The following RRAGD variants were observed in gnomAD, a reference collection of about 807,000 sequenced individuals.
The protein encoded by RRAGD is Ras related GTP binding D.
In RRAGD, 12 loss-of-function variants were observed where a neutral mutation model predicts 35.5. The observed-to-expected ratio is 0.34, with a 90% CI of 0.22 to 0.55. The LOEUF (loss-of-function observed/expected upper bound fraction) is 0.55, where lower values mean the gene tolerates loss of function less well. Among genes scored for constraint, RRAGD ranks in the 20% least tolerant of loss-of-function variants. The pLI, the probability that RRAGD is intolerant of heterozygous loss-of-function variation, is 0.91. For missense variants in RRAGD, 324 were observed against 490.1 expected, an observed-to-expected ratio of 0.66 and a Z score of 3.20; for synonymous variants, 155 against 178.9, an observed-to-expected ratio of 0.87 and a Z score of 1.07.
chr6:89,382,473 G>A (rs1000751969), intron 2 of RRAGD, among the ~76,000 whole-genome samples: 1 of 150,378 alleles, frequency 6.6e-6, no homozygotes, highest in Non-Finnish European at 1.5e-5. Context: ...CTACTCGGAG[G>A]CTGAGGCAGG....
intron 1 of RRAGD, among the ~76,000 whole-genome samples, chr6:89,399,621 T>TA (rs1274778242): frequency 1.1e-4 from 17 of 151,972 alleles, no homozygotes; most frequent in South Asian, 2.1e-4. Flanking sequence ...AAAATATATA[T>TA]TTTTTTTAAT....
intron 1 of RRAGD, among the ~76,000 whole-genome samples, chr6:89,397,016 C>A (rs1769349327): frequency 6.6e-6 from 1 of 152,142 alleles, no homozygotes; most frequent in South Asian, 2.1e-4. Flanking sequence ...GCTGGGATTA[C>A]AGGCATGAGC....
intron 1 of RRAGD, among the ~76,000 whole-genome samples, chr6:89,394,676 C>T (rs2031296): frequency 0.26 from 39,042 of 151,764 alleles, 5,499 homozygotes; most frequent in African/African-American, 0.36. Flanking sequence ...AAGAATGCTA[C>T]GGTTGCTGCT....
chr6:89,384,659 CA>C (rs1439137972), intron 2 of RRAGD, among the ~76,000 whole-genome samples: 5 of 151,622 alleles, frequency 3.3e-5, no homozygotes, highest in African/African-American at 9.7e-5. Flanking sequence ...TACTAAAAAT[CA>C]AAAAATTAGC....
intron 5 of RRAGD, 101 bp downstream of exon 5, chr6:89,377,570 C>T: frequency 1.8e-6 from 2 of 1,113,476 alleles, no homozygotes; most frequent in South Asian, 4.3e-5. Flanking sequence ...TCATTTAAGA[C>T]AAAAATGTTA....
chr6:89,368,010 C>G lies in RRAGD; in HGVS notation c.*46G>C. 6.6e-7 allele frequency: 1 copy of G among 1,506,948 alleles called. No individual in the cohort carries two copies. The highest frequency in any genetic ancestry group is 8.9e-7 in the Non-Finnish European group (1 of 1,119,692). 93.3% of individuals were successfully genotyped at this position (1,506,948 alleles called of 1,614,324 possible). A position where few individuals can be genotyped will look rare whatever the true frequency, so the allele number is the denominator to read the frequency against. ...CCTTTAGTGCAACATGGCGCAGCAGCCTCATGGATAAGGTCTGATTTCAAA... is the reference window on the plus strand; with the variant it reads ...CCTTTAGTGCAACATGGCGCAGCAGGCTCATGGATAAGGTCTGATTTCAAA... On this transcript the variant is annotated 3_prime_UTR_variant, in exon 7 of 7. Coordinates refer to ENST00000369415, the MANE Select transcript of RRAGD (RefSeq NM_021244.5).
In RRAGD at chr6:89,368,050, C is replaced by CCT. The variant is rs1757850758; in HGVS notation, c.*4_*5dup. Reference sequence around the variant, plus strand: ...CTGATTTCAAAAGACATTCCTGAAACCTCACCTACAGCAGCACTCTAGGGG... The same window carrying CCT: ...CTGATTTCAAAAGACATTCCTGAAACCTCTCACCTACAGCAGCACTCTAGGGG... On this transcript the variant is annotated 3_prime_UTR_variant, in exon 7 of 7. Transcript: ENST00000369415. 1.3e-6 allele frequency: 2 copies of CCT among 1,590,214 alleles called. No homozygotes were observed. The highest frequency in any genetic ancestry group is 1.7e-6 in the Non-Finnish European group (2 of 1,169,814).
Position 89,411,828 on chromosome 6 carries a change from C to A in RRAGD, c.148+18G>T. 6.5e-7 allele frequency: 1 copy of A among 1,543,714 alleles called. No individual in the cohort carries two copies. Among genetic ancestry groups the A allele is most frequent in the Non-Finnish European group, 8.7e-7 (1 of 1,148,748 alleles). ...AGGAAAGGGGCGCGAGCCGAGGACG[C>A]GGGGGCCGGGCGCTCACCTCCCTCC... On this transcript the variant is annotated intron_variant, in intron 1 of 6. Coordinates refer to ENST00000369415, the MANE Select transcript of RRAGD (RefSeq NM_021244.5). This position sits in a 1 kb window ranked among gnomAD's most constrained non-coding sequence, Gnocchi z 5.6.
chr6:89,377,352 G>A (rs1768965922), intron 5 of RRAGD, among the ~76,000 whole-genome samples: 1 of 152,152 alleles, frequency 6.6e-6, no homozygotes, highest in Non-Finnish European at 1.5e-5. Context: ...AGTGGCTCAT[G>A]CCTATAATCC....
chr6:89,378,307 A>G (rs1768982586), intron 4 of RRAGD, among the ~76,000 whole-genome samples: 1 of 152,180 alleles, frequency 6.6e-6, no homozygotes, highest in Non-Finnish European at 1.5e-5. Flanking sequence ...CGTCTCAAAA[A>G]AAAAAAAAGA....
chr6:89,388,542 G>A (rs1161027885), intron 1 of RRAGD, among the ~76,000 whole-genome samples: 11 of 152,030 alleles, frequency 7.2e-5, no homozygotes, highest in Non-Finnish European at 1.5e-5. Flanking sequence ...CAGTTTCATC[G>A]TGGCAAGTAC....
At chr6:89,376,789 A>G (rs1768956102) in intron 5 of RRAGD, among the ~76,000 whole-genome samples, 1 of 152,140 alleles carries the variant, frequency 6.6e-6, no homozygotes. Flanking sequence ...TCCAGTTCCA[A>G]TCCTTACTGA....
chr6:89,380,506 A>G (rs12055442), intron 2 of RRAGD, 139 bp from the exon 3 acceptor site: 30,192 of 664,648 alleles, frequency 0.045, 3,352 homozygotes, highest in East Asian at 0.32. Context: ...CTGGCTTCTT[A>G]TAATTCCAGT....
intron 1 of RRAGD, among the ~76,000 whole-genome samples, chr6:89,391,662 T>A (rs1769236994): frequency 6.6e-6 from 1 of 152,082 alleles, no homozygotes; most frequent in African/African-American, 2.4e-5. Context: ...ATAAAAATGT[T>A]CTGGAATTTG....
chr6:89,399,767 A>ATT (rs71556518), intron 1 of RRAGD, among the ~76,000 whole-genome samples: 20,781 of 130,710 alleles, frequency 0.16, 2,234 homozygotes, highest in African/African-American at 0.23. Flanking sequence ...ATGCCCAGCT[A>ATT]TTTTTTTTTT....
At position 89,396,545 on chromosome 6, in the gene RRAGD, G is replaced by A. The variant is rs949590205; in HGVS notation, c.149-8955C>T. 2.6e-5 allele frequency among the ~76,000 whole-genome samples: 4 copies of A among 151,156 alleles called. No homozygotes were observed. In the East Asian group the frequency reaches 5.9e-4, roughly 22 times the overall value. On this transcript the variant is annotated intron_variant, in intron 1 of 6. Transcript: ENST00000369415. ...GGCTCAAGTGATCCTCCTGGACTCA[G>A]CCTCCAGAGGAGCTGGGACTACAGG...
At chr6:89,376,630 T>G (rs911679425) in intron 5 of RRAGD, among the ~76,000 whole-genome samples, 1 of 152,224 alleles carries the variant, frequency 6.6e-6, no homozygotes, top group African/African-American at 2.4e-5. Flanking sequence ...TATAATTATG[T>G]AGAATTGTTT....
intron 5 of RRAGD, among the ~76,000 whole-genome samples, chr6:89,373,701 ATTTCT>A (rs139443897): frequency 0.037 from 5,557 of 152,028 alleles, 351 homozygotes; most frequent in African/African-American, 0.13. Context: ...TTTGAATCTC[ATTTCT>A]TTTATTTGCT....
At chr6:89,377,109 A>G (rs866942566) in intron 5 of RRAGD, among the ~76,000 whole-genome samples, 4 of 152,372 alleles carry the variant, frequency 2.6e-5, no homozygotes, top group South Asian at 4.1e-4. Context: ...TGTTAAGAAT[A>G]CAGTGCGTAA....
Sources: allele counts gnomAD v4.1 joint callset (sites outside exome capture counted in the v4.1 genomes callset), GRCh38; gene constraint gnomAD v4.1.1; non-coding constraint Gnocchi (gnomAD v3.1); transcripts MANE v1.5; gene names NCBI Gene and HGNC (gene_info 2026-07-23, HGNC 2026-07-21).